Variants in LRRTM4 observed in about 807,000 individuals in gnomAD.
LRRTM4 encodes the protein leucine-rich repeat transmembrane neuronal protein 4.
LRRTM4 carries 25 observed loss-of-function variants against 47.6 expected under a neutral mutation model. That is an observed-to-expected ratio of 0.53 (90% CI 0.38 to 0.73). The LOEUF is 0.73. LRRTM4 is among the 30% of genes least tolerant of loss of function. LRRTM4 has a pLI of 0.00. For synonymous variants in LRRTM4, 311 were observed against 269.5 expected (o/e 1.15, Z -1.51); for missense variants, 638 against 713.4 (o/e 0.89, Z 1.20).
chr2:76,773,943 A>G (rs1355607916), intron 3 of LRRTM4, among the ~76,000 whole-genome samples: 1 of 152,008 alleles, frequency 6.6e-6, no homozygotes, highest in Admixed American at 6.5e-5. Flanking sequence ...TACATCTTCA[A>G]TTGAGATAAT....
At chr2:77,474,054 T>C (rs1238940656) in intron 3 of LRRTM4, among the ~76,000 whole-genome samples, 1 of 152,174 alleles carries the variant, frequency 6.6e-6, no homozygotes, top group Admixed American at 6.6e-5. Flanking sequence ...AACAGAAATA[T>C]GAGTTTTTGT....
At chr2:76,826,144 C>A (rs1410717284) in intron 3 of LRRTM4, among the ~76,000 whole-genome samples, 1 of 151,540 alleles carries the variant, frequency 6.6e-6, no homozygotes, top group African/African-American at 2.4e-5. Flanking sequence ...CAAAGAGGAC[C>A]ACAGAAATGT....
chr2:76,992,730 T>C, intron 3 of LRRTM4, among the ~76,000 whole-genome samples: 1 of 151,288 alleles, frequency 6.6e-6, no homozygotes, highest in Non-Finnish European at 1.5e-5. Context: ...ATGCTATTCC[T>C]ATCAAAATAT....
intron 3 of LRRTM4, among the ~76,000 whole-genome samples, chr2:77,115,583 G>A (rs977859031): frequency 6.6e-6 from 1 of 152,118 alleles, no homozygotes; most frequent in African/African-American, 2.4e-5. Context: ...TCCGTTCGGG[G>A]TCCCTGACTT....
intron 3 of LRRTM4, among the ~76,000 whole-genome samples, chr2:76,953,855 T>C (rs998846635): frequency 2.0e-5 from 3 of 151,902 alleles, no homozygotes; most frequent in Non-Finnish European, 2.9e-5. Flanking sequence ...GCATAATTTG[T>C]ATGCTTGAAG....
chr2:77,421,769 T>G (rs2103883339), intron 3 of LRRTM4, among the ~76,000 whole-genome samples: 1 of 151,776 alleles, frequency 6.6e-6, no homozygotes, highest in South Asian at 2.1e-4. Flanking sequence ...GAACAACTCC[T>G]CATAACAAAG....
intron 3 of LRRTM4, among the ~76,000 whole-genome samples, chr2:77,322,900 G>A (rs1670584920): frequency 6.6e-6 from 1 of 151,016 alleles, no homozygotes; most frequent in Non-Finnish European, 1.5e-5. Context: ...AAATAGAAAT[G>A]TCAGCATCTG....
intron 3 of LRRTM4, among the ~76,000 whole-genome samples, chr2:77,098,712 C>G (rs1670873608): frequency 6.6e-6 from 1 of 151,486 alleles, no homozygotes; most frequent in Non-Finnish European, 1.5e-5. Context: ...ATACAAATCA[C>G]TAAGAGATAT....
chr2:77,277,017 C>T (rs1047079276), intron 3 of LRRTM4, among the ~76,000 whole-genome samples: 1 of 151,734 alleles, frequency 6.6e-6, no homozygotes, highest in South Asian at 2.1e-4. Context: ...GTATTCTGTG[C>T]TCGCCTATGT....
intron 3 of LRRTM4, among the ~76,000 whole-genome samples, chr2:77,293,734 G>A (rs532728405): frequency 6.6e-6 from 1 of 152,190 alleles, no homozygotes; most frequent in Non-Finnish European, 1.5e-5. Context: ...AATTAGACAA[G>A]GTCATGTGAC....
At chr2:77,103,975 A>ATC (rs1558581829) in intron 3 of LRRTM4, among the ~76,000 whole-genome samples, 70 of 152,174 alleles carry the variant, frequency 4.6e-4, no homozygotes, top group Middle Eastern at 6.8e-3. Context: ...TTTCAAACTC[A>ATC]ATCATTCAAC....
At chr2:76,824,690 C>T (rs1242496106) in intron 3 of LRRTM4, among the ~76,000 whole-genome samples, 10 of 150,174 alleles carry the variant, frequency 6.7e-5, no homozygotes, top group Non-Finnish European at 1.5e-5. Context: ...CCAGTTAATA[C>T]TGATTTGAAA....
intron 3 of LRRTM4, among the ~76,000 whole-genome samples, chr2:77,225,835 C>T (rs1375191554): frequency 2.0e-5 from 3 of 151,824 alleles, no homozygotes; most frequent in Non-Finnish European, 4.4e-5. Flanking sequence ...CATAAAGTAG[C>T]ACATTCAAAT....
intron 3 of LRRTM4, among the ~76,000 whole-genome samples, chr2:77,069,214 G>C (rs774214138): frequency 3.0e-4 from 45 of 152,218 alleles, no homozygotes; most frequent in Admixed American, 3.3e-4. Context: ...CACTGGGTTA[G>C]GGTCTCCCCG....
chr2:77,191,949 G>T (rs12713899), intron 3 of LRRTM4, among the ~76,000 whole-genome samples: 110,935 of 151,834 alleles, frequency 0.73, 41,625 homozygotes, highest in African/African-American at 0.92. Flanking sequence ...GTCTGCATAC[G>T]GTACATTTAA....
At chr2:77,073,099 G>T (rs995612752) in intron 3 of LRRTM4, among the ~76,000 whole-genome samples, 11 of 151,756 alleles carry the variant, frequency 7.2e-5, no homozygotes, top group African/African-American at 2.7e-4. Context: ...ATTTGAACAA[G>T]ATCTCCAGGT....
intron 3 of LRRTM4, among the ~76,000 whole-genome samples, chr2:76,948,779 T>C (rs75346966): frequency 0.024 from 3,667 of 152,000 alleles, 131 homozygotes; most frequent in East Asian, 0.14. Context: ...TTAATCTTAC[T>C]ACATTTAAAC....
chr2:76,766,737 C>T (rs112614883), intron 3 of LRRTM4, among the ~76,000 whole-genome samples: 386 of 152,310 alleles, frequency 2.5e-3, no homozygotes, highest in African/African-American at 9.0e-3. Context: ...TGGCAATTTT[C>T]CTCCTAGGGA....
Position 77,207,347 on chromosome 2 carries a change from G to GTATATATATATATATATA in LRRTM4, c.1551+310970_1551+310971insTATATATATATATATATA, listed in dbSNP as rs200933978. Among the ~76,000 whole-genome samples, 400 of 83,240 alleles carry GTATATATATATATATATA rather than the reference G, an allele frequency of 4.8e-3. 9 individuals are homozygous for GTATATATATATATATATA. Among genetic ancestry groups the GTATATATATATATATATA allele is most frequent in the African/African-American group, 0.015 (351 of 23,060 alleles). 54.6% of individuals were successfully genotyped at this position (83,240 alleles called of 152,430 possible). On this transcript the variant is annotated intron_variant, in intron 3 of 3. Transcript: ENST00000409884. ...TTATGTTTTTCCTAATTTCATATATGTGTATATATATATATATATATATAT... is the reference window on the plus strand; with the variant it reads ...TTATGTTTTTCCTAATTTCATATATGTATATATATATATATATATGTATATATATATATATATATATAT...
Sources: allele counts gnomAD v4.1 joint callset (sites outside exome capture counted in the v4.1 genomes callset), GRCh38; gene constraint gnomAD v4.1.1; transcripts MANE v1.5; gene names NCBI Gene and HGNC (gene_info 2026-07-23, HGNC 2026-07-21).